The following EVC variants were observed in gnomAD, a reference collection of about 807,000 sequenced individuals.
The protein encoded by EVC is evC complex member EVC.
A neutral mutation model predicts 118.9 loss-of-function variants in EVC; 116 were observed. The observed-to-expected ratio is 0.98, with a 90% confidence interval of 0.84 to 1.14. The LOEUF is 1.14. Ranked by LOEUF, EVC falls within the 50% of genes most tolerant of loss-of-function variation. The pLI is 0.00. For missense variants in EVC, 1,401 were observed against 1,246.4 expected, an observed-to-expected ratio of 1.12 and a Z score of -1.87; for synonymous variants, 619 against 534.7, an observed-to-expected ratio of 1.16 and a Z score of -2.18.
intron 5 of EVC, among the ~76,000 whole-genome samples, chr4:5,740,365 G>A (rs1728335349): frequency 6.6e-6 from 1 of 151,708 alleles, no homozygotes; most frequent in Non-Finnish European, 1.5e-5. Flanking sequence ...CACCTACTTG[G>A]GAGGCTGAGG....
In EVC at chr4:5,749,375, T is replaced by G. The variant is rs888343972; in HGVS notation, c.1098+1069T>G. 5.3e-5 allele frequency among the ~76,000 whole-genome samples: 8 copies of G among 151,764 alleles called. No individual in the cohort carries two copies. Among genetic ancestry groups the G allele is most frequent in the African/African-American group, 1.7e-4 (7 of 41,302 alleles). On this transcript the variant is annotated intron_variant, in intron 8 of 20. Coordinates refer to ENST00000264956, the MANE Select transcript of EVC (RefSeq NM_153717.3). This position sits in a 1 kb window ranked among gnomAD's most constrained non-coding sequence, Gnocchi z 4.4. ...AAAAAAAAAAAGGTCCCTCCTTATTTTTGTGAAGCCTGCCAACCACAGATA... is the reference window on the plus strand; with the variant it reads ...AAAAAAAAAAAGGTCCCTCCTTATTGTTGTGAAGCCTGCCAACCACAGATA...
the EVC span, among the ~76,000 whole-genome samples, chr4:5,823,641 G>GAGC: frequency 6.6e-6 from 1 of 152,200 alleles, no homozygotes; most frequent in Admixed American, 6.5e-5. Context: ...GGTTGTTAAA[G>GAGC]AGCACCTCTG....
intron 11 of EVC, among the ~76,000 whole-genome samples, chr4:5,770,378 G>A (rs1377790443): frequency 1.3e-5 from 2 of 152,172 alleles, no homozygotes; most frequent in Non-Finnish European, 2.9e-5. Flanking sequence ...AGACACTCCA[G>A]TCAGACCAAA....
chr4:5,797,088 C>T lies in EVC; in HGVS notation c.1953C>T (p.Leu651=). 2 of 1,613,534 alleles carry T rather than the reference C, an allele frequency of 1.2e-6. No homozygotes were observed. The highest frequency in any genetic ancestry group is 1.1e-5 in the South Asian group (1 of 91,082). ...GCTCAGCCCTCCGGAGGCTGGCACTCCGCGGCAACGCCCTGGCCACCCTGA... is the reference window on the plus strand; with the variant it reads ...GCTCAGCCCTCCGGAGGCTGGCACTTCGCGGCAACGCCCTGGCCACCCTGA... ...LLRSALRRLA[L]RGNALATLTQ... is the part of the protein sequence containing the mutation. The change falls in exon 14 of 21, where the codon CTC becomes CTT. Residue 651 remains leucine, a synonymous_variant. Coordinates refer to ENST00000264956, the MANE Select transcript of EVC (RefSeq NM_153717.3).
At chr4:5,781,119 C>T (rs951450304) in intron 11 of EVC, among the ~76,000 whole-genome samples, 4 of 152,188 alleles carry the variant, frequency 2.6e-5, no homozygotes, top group African/African-American at 9.7e-5. Flanking sequence ...CCACATTGCA[C>T]CTAATGAGAC....
At chr4:5,720,960 C>A (rs2151855949) in intron 2 of EVC, among the ~76,000 whole-genome samples, 1 of 152,284 alleles carries the variant, frequency 6.6e-6, no homozygotes, top group South Asian at 2.1e-4. Flanking sequence ...GTGCCCTGTG[C>A]TGTCTCTGAC....
intron 5 of EVC, 67 bp downstream of exon 5, chr4:5,733,502 T>C: frequency 2.3e-6 from 3 of 1,330,552 alleles, no homozygotes; most frequent in Non-Finnish European, 3.2e-6. Context: ...GGACTCTGTG[T>C]GCAGTGAGTC....
intron 7 of EVC, among the ~76,000 whole-genome samples, chr4:5,747,510 G>C (rs1729547420): frequency 6.6e-6 from 1 of 152,182 alleles, no homozygotes; most frequent in Non-Finnish European, 1.5e-5. Flanking sequence ...CTGGCGAACA[G>C]CCTGTGGGCC....
At chr4:5,761,554 A>G (rs936311931) in intron 11 of EVC, among the ~76,000 whole-genome samples, 13 of 151,848 alleles carry the variant, frequency 8.6e-5, no homozygotes, top group Admixed American at 5.2e-4. Context: ...TACACACTTG[A>G]AAGACTTTCG....
chr4:5,818,661 A>G (rs1360094741), downstream of EVC, among the ~76,000 whole-genome samples: 3 of 152,170 alleles, frequency 2.0e-5, no homozygotes, highest in Admixed American at 6.5e-5. Context: ...CTGAGCCAAT[A>G]CACTCAGCCC....
At chr4:5,805,779 C>A (rs1194593347) in intron 17 of EVC, among the ~76,000 whole-genome samples, 1 of 152,072 alleles carries the variant, frequency 6.6e-6, no homozygotes, top group African/African-American at 2.4e-5. Context: ...AAAGGAAGCC[C>A]AGTGTTGGGA....
In EVC at chr4:5,745,459, T is replaced by C. The variant is rs1729232407; in HGVS notation, c.939+118T>C. ...TAATACTTGAATTCCCCTATCGCATTCTGCCCTAGAGGCAGGATCCAGTTT... is the reference window on the plus strand; with the variant it reads ...TAATACTTGAATTCCCCTATCGCATCCTGCCCTAGAGGCAGGATCCAGTTT... On this transcript the variant is annotated intron_variant, in intron 7 of 20. Transcript: ENST00000264956. 3 of 1,074,338 alleles carry C rather than the reference T, an allele frequency of 2.8e-6. No individual in the cohort carries two copies. In the South Asian group the frequency reaches 4.0e-5, roughly 14 times the overall value. 66.6% of individuals were successfully genotyped at this position (1,074,338 alleles called of 1,614,324 possible).
At position 5,721,898 on chromosome 4, in the gene EVC, G is replaced by A. The variant is rs1725016686; in HGVS notation, c.300+2525G>A. On this transcript the variant is annotated intron_variant, in intron 2 of 20. Coordinates refer to ENST00000264956, the MANE Select transcript of EVC (RefSeq NM_153717.3). ...AATAAATAAAGTTGACTATAGTGAT[G>A]GCTGCACATATCTGAAGATAGGGAG... Among the ~76,000 whole-genome samples the A allele has an allele frequency of 4.6e-5, 7 of 152,244 alleles. No homozygotes were observed. In the South Asian group the frequency reaches 1.5e-3, roughly 32 times the overall value.
intron 5 of EVC, among the ~76,000 whole-genome samples, chr4:5,734,135 C>T (rs1027941017): frequency 6.6e-6 from 1 of 152,074 alleles, no homozygotes; most frequent in East Asian, 1.9e-4. Flanking sequence ...CCACTTTAGC[C>T]GCAGAACCCC....
chr4:5,799,513 G>C (rs570425438), intron 15 of EVC, among the ~76,000 whole-genome samples: 25 of 152,328 alleles, frequency 1.6e-4, no homozygotes, highest in Admixed American at 3.9e-4. Context: ...CGGGGCTGCA[G>C]GAGAATGACC....
intron 2 of EVC, among the ~76,000 whole-genome samples, chr4:5,722,886 T>G (rs1725189336): frequency 6.6e-6 from 1 of 152,250 alleles, no homozygotes; most frequent in African/African-American, 2.4e-5. Context: ...TCTCAGAATT[T>G]GGAGGACACC....
At chr4:5,800,082 C>T (rs549269701) in intron 15 of EVC, among the ~76,000 whole-genome samples, 211 of 152,332 alleles carry the variant, frequency 1.4e-3, no homozygotes, top group South Asian at 2.7e-3. Flanking sequence ...CAGTGGCTCA[C>T]GCCTGTAATC....
chr4:5,816,699 C>T (rs1259533124), downstream of EVC, among the ~76,000 whole-genome samples: 2 of 149,544 alleles, frequency 1.3e-5, no homozygotes, highest in Admixed American at 1.3e-4. Flanking sequence ...TCCCTTCTCC[C>T]CTCTCTCCCC....
chr4:5,733,140 A>C (rs990346090), intron 4 of EVC, among the ~76,000 whole-genome samples: 3 of 152,040 alleles, frequency 2.0e-5, no homozygotes, highest in Non-Finnish European at 2.9e-5. Flanking sequence ...TCTGACACCA[A>C]CTGTTCTCTT....
Sources: allele counts gnomAD v4.1 joint callset (sites outside exome capture counted in the v4.1 genomes callset), GRCh38; gene constraint gnomAD v4.1.1; non-coding constraint Gnocchi (gnomAD v3.1); transcripts MANE v1.5; gene names NCBI Gene and HGNC (gene_info 2026-07-23, HGNC 2026-07-21).